Variants in MRE11 observed in about 807,000 individuals in gnomAD.
MRE11 encodes the protein double-strand break repair protein MRE11.
In MRE11, 62 loss-of-function variants were observed where a neutral mutation model predicts 91.7. That is an observed-to-expected ratio of 0.68 (90% CI 0.55 to 0.84). The LOEUF (loss-of-function observed/expected upper bound fraction) is 0.84, where lower values mean the gene tolerates loss of function less well. MRE11 is among the 40% of genes least tolerant of loss of function. The pLI, the probability that MRE11 is intolerant of heterozygous loss-of-function variation, is 0.00. For missense variants in MRE11, 796 were observed against 852.9 expected (o/e 0.93, Z 0.83); for synonymous variants, 273 against 271.4 (o/e 1.01, Z -0.06).
intron 13 of MRE11, 34 bp downstream of exon 13, chr11:94,459,374 T>G (rs983407011): frequency 4.3e-6 from 7 of 1,610,962 alleles, no homozygotes; most frequent in Middle Eastern, 1.8e-4. Context: ...ACAGACTATT[T>G]AAATAGACCT....
At chr11:94,509,536 G>A in the MRE11 span, among the ~76,000 whole-genome samples, 5 of 151,934 alleles carry the variant, frequency 3.3e-5, no homozygotes, top group Admixed American at 6.6e-5. Context: ...TCTACCTCCC[G>A]GGTTCAAGTG....
chr11:94,492,980 C>T, intron 1 of MRE11, 74 bp from the exon 2 acceptor site: 1 of 640,506 alleles, frequency 1.6e-6, no homozygotes, highest in Non-Finnish European at 2.7e-6. Context: ...ATTTACGCTG[C>T]ACAAGGTACA....
At chr11:94,427,434 T>C (rs551956114) in intron 19 of MRE11, among the ~76,000 whole-genome samples, 100 of 152,018 alleles carry the variant, frequency 6.6e-4, no homozygotes, top group African/African-American at 2.3e-3. Context: ...ACAACCAACA[T>C]CATGCTGAAC....
chr11:94,488,167 G>C lies in MRE11; in HGVS notation c.154-2083C>G, dbSNP rs149483626. Among the ~76,000 whole-genome samples, 34 of 152,250 alleles carry C rather than the reference G, an allele frequency of 2.2e-4. No individual in the cohort carries two copies. In the East Asian group the frequency reaches 6.4e-3, roughly 29 times the overall value. ...ACACTCAGGAGAAGATTCTGTTTTA[G>C]GGCTCAAGAGTTAAAAAAGAAAGAG... On this transcript the variant is annotated intron_variant, in intron 3 of 19. Transcript: ENST00000323929.
At chr11:94,499,974 T>G in the MRE11 span, among the ~76,000 whole-genome samples, 13 of 152,320 alleles carry the variant, frequency 8.5e-5, no homozygotes, top group African/African-American at 3.1e-4. Flanking sequence ...TGAATCATCG[T>G]GACAACAGGA....
intron 4 of MRE11, among the ~76,000 whole-genome samples, chr11:94,481,654 T>G (rs992383623): frequency 1.3e-5 from 2 of 152,216 alleles, no homozygotes; most frequent in African/African-American, 2.4e-5. Context: ...GAATCCATTA[T>G]TTCCCCTACA....
chr11:94,479,677 T>C lies in MRE11; in HGVS notation c.399A>G (p.Thr133=), dbSNP rs1168410048. Residue 133 remains threonine, a synonymous_variant, in exon 5 of 20, where the codon ACA becomes ACG. Transcript: ENST00000323929. ...ACTCTAAGAAAACAATAATTACCCC[T>C]GTGGGATCGTCATGATTGCCATGAA... The part of the protein sequence containing the change: ...FSIHGNHDDP[T]GADALCALDI... 1 of 1,611,270 alleles carries C rather than the reference T, an allele frequency of 6.2e-7. No homozygotes were observed. Among genetic ancestry groups the C allele is most frequent in the Non-Finnish European group, 8.5e-7 (1 of 1,178,230 alleles).
chr11:94,488,182 A>T (rs955947419), intron 3 of MRE11, among the ~76,000 whole-genome samples: 2 of 152,214 alleles, frequency 1.3e-5, no homozygotes, highest in African/African-American at 4.8e-5. Context: ...CAAGAGTTAA[A>T]AAAGAAAGAG....
intron 17 of MRE11, among the ~76,000 whole-genome samples, chr11:94,436,707 A>C (rs573445380): frequency 4.6e-5 from 7 of 152,336 alleles, no homozygotes; most frequent in African/African-American, 1.4e-4. Flanking sequence ...AATCGAAAGG[A>C]AGAGCAGAAG....
At position 94,471,667 on chromosome 11, in the gene MRE11, A is replaced by G; in HGVS notation, c.752T>C (p.Ile251Thr). The G allele has an allele frequency of 1.2e-6, 2 of 1,612,812 alleles. No homozygotes were observed. Among genetic ancestry groups the G allele is most frequent in the Non-Finnish European group, 1.7e-6 (2 of 1,179,178 alleles). Reference sequence around the variant, plus strand: ...CTGTTGTTCATTTTTGGTTGGAGCTATTTTACACTCATGTTCATGGCCCCA... The same window carrying G: ...CTGTTGTTCATTTTTGGTTGGAGCTGTTTTACACTCATGTTCATGGCCCCA... ...VIWGHEHECKIAPTKNEQQLF... is the reference protein window; with the variant it reads ...VIWGHEHECKTAPTKNEQQLF... The change falls in exon 8 of 20, where the codon ATA becomes ACA. Residue 251 changes from isoleucine (I) to threonine (T), a missense_variant. Ile to Thr is a moderately conservative substitution (Grantham distance 89). Coordinates refer to ENST00000323929, the MANE Select transcript of MRE11 (RefSeq NM_005591.4).
At chr11:94,468,287 T>C (rs1946619668) in intron 9 of MRE11, among the ~76,000 whole-genome samples, 1 of 152,204 alleles carries the variant, frequency 6.6e-6, no homozygotes, top group African/African-American at 2.4e-5. Flanking sequence ...TTATTTATCT[T>C]GGAAGAGTTC....
chr11:94,481,975 T>C (rs1947024503), intron 4 of MRE11, among the ~76,000 whole-genome samples: 2 of 152,182 alleles, frequency 1.3e-5, no homozygotes, highest in Admixed American at 6.6e-5. Flanking sequence ...ATATAAATGA[T>C]ATTCAGAAAG....
chr11:94,481,676 T>C (rs969588817), intron 4 of MRE11, among the ~76,000 whole-genome samples: 2 of 152,224 alleles, frequency 1.3e-5, no homozygotes, highest in East Asian at 1.9e-4. Flanking sequence ...TGTGAGATGG[T>C]GACCTTCATC....
intron 2 of MRE11, 163 bp downstream of exon 2, chr11:94,492,615 GATAA>G (rs776969289): frequency 1.6e-6 from 2 of 1,231,250 alleles, no homozygotes; most frequent in Non-Finnish European, 2.3e-6. Flanking sequence ...TTAACAAACA[GATAA>G]ATATTTAAAA....
intron 10 of MRE11, among the ~76,000 whole-genome samples, chr11:94,465,194 A>G (rs187758313): frequency 6.6e-5 from 10 of 152,326 alleles, no homozygotes; most frequent in African/African-American, 1.9e-4. Flanking sequence ...TTATATGACA[A>G]TATGTGCTGT....
chr11:94,437,742 T>C (rs1945661043), intron 16 of MRE11, among the ~76,000 whole-genome samples: 1 of 152,352 alleles, frequency 6.6e-6, no homozygotes, highest in Admixed American at 6.5e-5. Flanking sequence ...AATTCCTTTG[T>C]ATCCATACCT....
chr11:94,483,088 G>C (rs907290257), intron 4 of MRE11, among the ~76,000 whole-genome samples: 1 of 152,058 alleles, frequency 6.6e-6, no homozygotes, highest in African/African-American at 2.4e-5. Context: ...TATCAATCAA[G>C]GGGAAAGTGA....
intron 19 of MRE11, among the ~76,000 whole-genome samples, chr11:94,423,969 G>A (rs968591956): frequency 1.3e-5 from 2 of 152,188 alleles, no homozygotes; most frequent in South Asian, 2.1e-4. Flanking sequence ...TGGGAAGGGT[G>A]TGGCCTGTCT....
chr11:94,480,706 G>C (rs1486787728), intron 4 of MRE11, among the ~76,000 whole-genome samples: 1 of 152,174 alleles, frequency 6.6e-6, no homozygotes, highest in Non-Finnish European at 1.5e-5. Context: ...GTGCACAAGA[G>C]GGACAGTTTT....
Sources: gnomAD v4.1 joint callset for allele counts (sites outside exome capture counted in the v4.1 genomes callset) on GRCh38, gnomAD v4.1.1 for gene constraint, MANE v1.5 for transcripts, NCBI Gene and HGNC (gene_info 2026-07-23, HGNC 2026-07-21) for gene names.